The following SNPH variants were observed in gnomAD, a reference collection of about 807,000 sequenced individuals.
SNPH encodes the protein syntaphilin.
Under a neutral mutation model 36.8 loss-of-function variants are expected in SNPH, and 10 were observed. The observed-to-expected ratio is 0.27, with a 90% CI of 0.17 to 0.46. SNPH has a LOEUF of 0.46. SNPH is among the 20% of genes least tolerant of loss of function. The pLI, the probability that SNPH is intolerant of heterozygous loss-of-function variation, is 1.00. For missense variants in SNPH, 622 were observed against 744.0 expected, an observed-to-expected ratio of 0.84 and a Z score of 1.91; for synonymous variants, 281 against 312.2, an observed-to-expected ratio of 0.90 and a Z score of 1.05.
Position 1,306,055 on chromosome 20 carries a change from G to T in SNPH, c.*1G>T, listed in dbSNP as rs2088574954. The stretch of plus-strand genomic sequence containing the variant: ...AGCGGGCGGCGGCTCCCAGCTCTGA[G>T]GGGGCCCATTCTGGCAGCGGCGCCT... On this transcript the variant is annotated 3_prime_UTR_variant, in exon 7 of 7. Transcript: ENST00000381867. 14 of 1,452,108 alleles carry T rather than the reference G, an allele frequency of 9.6e-6. No individual in the cohort carries two copies. The highest frequency in any genetic ancestry group is 1.3e-5 in the Non-Finnish European group (14 of 1,104,546). The allele number at this position is 1,452,108 out of a possible 1,614,324, so 90.0% of individuals were successfully genotyped here.
intron 2 of SNPH, among the ~76,000 whole-genome samples, chr20:1,288,280 C>T (rs912188268): frequency 6.6e-6 from 1 of 152,204 alleles, no homozygotes; most frequent in African/African-American, 2.4e-5. Flanking sequence ...AAGAACTACC[C>T]CCATCCCTCC....
intron 2 of SNPH, among the ~76,000 whole-genome samples, chr20:1,278,134 CTGTGTGTGCCTA>C (rs2088174320): frequency 7.2e-6 from 1 of 139,686 alleles, no homozygotes. Flanking sequence ...GTGTGTGTCT[CTGTGTGTGCCTA>C]TGTGTGTGTG....
intron 6 of SNPH, among the ~76,000 whole-genome samples, chr20:1,303,077 C>T (rs927336602): frequency 2.6e-5 from 4 of 152,208 alleles, no homozygotes; most frequent in Non-Finnish European, 4.4e-5. Flanking sequence ...CCTGTTACTC[C>T]CACAGGAACC....
At chr20:1,278,205 T>G (rs1015633553) in intron 2 of SNPH, among the ~76,000 whole-genome samples, 1 of 151,814 alleles carries the variant, frequency 6.6e-6, no homozygotes, top group Non-Finnish European at 1.5e-5. Context: ...TGTGTCAGTG[T>G]CTGTGTGTGT....
In SNPH at chr20:1,274,996, G is replaced by T. The variant is rs541008846; in HGVS notation, c.-493+8236G>T. 2.8e-3 allele frequency among the ~76,000 whole-genome samples: 421 copies of T among 152,276 alleles called. 1 individual carries two copies. Among genetic ancestry groups the T allele is most frequent in the African/African-American group, 9.4e-3 (389 of 41,542 alleles). On this transcript the variant is annotated intron_variant, in intron 2 of 6. Coordinates refer to ENST00000381867, the MANE Select transcript of SNPH (RefSeq NM_001318234.2). ...GCAGCCCCAGAGGGAGAAGGGGTGCGCTAAACATCACCTCTTCTGTGAGGC... is the reference window on the plus strand; with the variant it reads ...GCAGCCCCAGAGGGAGAAGGGGTGCTCTAAACATCACCTCTTCTGTGAGGC...
Position 1,307,630 on chromosome 20 carries a change from GC to G in SNPH, c.*1578del, listed in dbSNP as rs970174324. ...TCACCCCAATGCTCCAACAGCCATT[GC>G]CTAACTCATGGGCTCTGCCCTTCTG... On this transcript the variant is annotated 3_prime_UTR_variant, in exon 7 of 7. Coordinates refer to ENST00000381867, the MANE Select transcript of SNPH (RefSeq NM_001318234.2). 6 of 152,644 alleles carry G rather than the reference GC, an allele frequency of 3.9e-5. No homozygotes were observed. The highest frequency in any genetic ancestry group is 1.2e-4 in the African/African-American group (5 of 41,474). The allele number at this position is 152,644 out of a possible 1,614,324, so 9.5% of individuals were successfully genotyped here.
intron 2 of SNPH, among the ~76,000 whole-genome samples, chr20:1,293,546 G>T (rs2088389959): frequency 6.6e-6 from 1 of 152,162 alleles, no homozygotes; most frequent in Non-Finnish European, 1.5e-5. Context: ...GCCTAGAAGG[G>T]AGGGAGGACC....
At chr20:1,300,790 CTT>C in intron 6 of SNPH, 79 bp downstream of exon 6, 2 of 1,422,542 alleles carry the variant, frequency 1.4e-6, no homozygotes, top group South Asian at 2.8e-5. Context: ...TGGGGTGCCT[CTT>C]GGAGGGAGGA....
chr20:1,303,260 A>G (rs995196613), intron 6 of SNPH, among the ~76,000 whole-genome samples: 1 of 152,146 alleles, frequency 6.6e-6, no homozygotes. Flanking sequence ...CCTGCCTTCT[A>G]TCTTGCTCCC....
At chr20:1,280,603 A>G (rs1296457287) in intron 2 of SNPH, among the ~76,000 whole-genome samples, 2 of 152,116 alleles carry the variant, frequency 1.3e-5, no homozygotes, top group African/African-American at 4.8e-5. Context: ...AGGTCAAGAG[A>G]GGTATGCCTT....
At chr20:1,273,590 G>T (rs907700460) in intron 2 of SNPH, among the ~76,000 whole-genome samples, 8 of 152,192 alleles carry the variant, frequency 5.3e-5, no homozygotes, top group Non-Finnish European at 1.2e-4. Context: ...ATTAACAACA[G>T]CTGCCATTTG....
chr20:1,267,419 T>G (rs1243985745), intron 2 of SNPH, among the ~76,000 whole-genome samples: 1 of 152,152 alleles, frequency 6.6e-6, no homozygotes, highest in Non-Finnish European at 1.5e-5. Flanking sequence ...TGCTGCCCGT[T>G]TCCTCTGCCT....
chr20:1,281,655 T>C (rs1412748502), intron 2 of SNPH, among the ~76,000 whole-genome samples: 3 of 152,254 alleles, frequency 2.0e-5, no homozygotes, highest in Non-Finnish European at 4.4e-5. Context: ...AGAACAACTA[T>C]GCACCTGTCC....
In SNPH at chr20:1,305,618, A is replaced by C. The variant is rs752323298; in HGVS notation, c.1181A>C (p.Glu394Ala). The C allele has an allele frequency of 3.3e-5, 54 of 1,613,460 alleles. No homozygotes were observed. The highest frequency in any genetic ancestry group is 4.2e-5 in the Non-Finnish European group (50 of 1,180,036). Reference protein sequence around the residue: ...TDPESGDRCPELDAHPSGPRD... With the variant: ...TDPESGDRCPALDAHPSGPRD... ...CCTGAGTCAGGGGACAGGTGCCCAG[A>C]GCTGGATGCCCACCCTTCAGGGCCC... Residue 394 changes from glutamate to alanine, a missense_variant, in exon 7 of 7, where the codon GAG becomes GCG. Physicochemically the swap from Glu to Ala is moderately radical, Grantham distance 107. Transcript: ENST00000381867.
At chr20:1,299,993 G>C (rs991488167) in intron 5 of SNPH, among the ~76,000 whole-genome samples, 1 of 152,198 alleles carries the variant, frequency 6.6e-6, no homozygotes, top group Non-Finnish European at 1.5e-5. Flanking sequence ...AGAGAGGAGA[G>C]CTTCTGCCTC....
chr20:1,300,650 G>A lies in SNPH; in HGVS notation c.379G>A (p.Glu127Lys). 6.2e-7 allele frequency: 1 copy of A among 1,613,292 alleles called. No individual in the cohort carries two copies. Among genetic ancestry groups the A allele is most frequent in the Non-Finnish European group, 8.5e-7 (1 of 1,179,992 alleles). Reference protein sequence around the residue: ...EQYLTPLQQKEVCIRHLKARL... With the variant: ...EQYLTPLQQKKVCIRHLKARL... Reference sequence around the variant, plus strand: ...GTACCTGACCCCCCTGCAGCAGAAGGAGGTGTGCATCCGGCACCTGAAAGC... The same window carrying A: ...GTACCTGACCCCCCTGCAGCAGAAGAAGGTGTGCATCCGGCACCTGAAAGC... Residue 127 changes from glutamate to lysine, a missense_variant, in exon 6 of 7, where the codon GAG (glutamate) becomes AAG (lysine). By Grantham distance (56) the Glu-to-Lys change is moderately conservative. This residue lies in a region of SNPH where 187 missense variants were observed against 209.4 expected (regional missense o/e 0.89). Coordinates refer to ENST00000381867, the MANE Select transcript of SNPH (RefSeq NM_001318234.2).
intron 2 of SNPH, among the ~76,000 whole-genome samples, chr20:1,267,895 G>C (rs535253032): frequency 6.6e-6 from 1 of 152,300 alleles, no homozygotes; most frequent in Admixed American, 6.5e-5. Flanking sequence ...AAATCTAGGG[G>C]TACAGCCCGC....
rs2088403219 is a variant in SNPH at position 1,294,469 on chromosome 20, G to A, written c.-492-482G>A. ...CCCTCCTCCATGGTTCCTGCTCTAG[G>A]GGCCAGCCCTACAGTTCCAGGAGGC... is the stretch of plus-strand genomic sequence containing the variant. On this transcript the variant is annotated intron_variant, in intron 2 of 6. Transcript: ENST00000381867. This position sits in a 1 kb window ranked among gnomAD's most constrained non-coding sequence, Gnocchi z 4.4. Among the ~76,000 whole-genome samples the A allele has an allele frequency of 6.6e-6, 1 of 152,200 alleles. No homozygotes were observed. Among genetic ancestry groups the A allele is most frequent in the Admixed American group, 6.5e-5 (1 of 15,290 alleles).
intron 2 of SNPH, among the ~76,000 whole-genome samples, chr20:1,280,520 G>A (rs1568541401): frequency 6.6e-6 from 1 of 152,178 alleles, no homozygotes; most frequent in African/African-American, 2.4e-5. Flanking sequence ...GGCAGAGGTC[G>A]GGTTGTCACA....
Sources: allele counts gnomAD v4.1 joint callset (sites outside exome capture counted in the v4.1 genomes callset), GRCh38; gene constraint gnomAD v4.1.1; regional missense constraint gnomAD v4.1.1; non-coding constraint Gnocchi (gnomAD v3.1); transcripts MANE v1.5; gene names NCBI Gene and HGNC (gene_info 2026-07-23, HGNC 2026-07-21).